The following TAP2 variants were observed in gnomAD, a reference collection of about 807,000 sequenced individuals.
TAP2 encodes the protein transporter 2, ATP binding cassette subfamily B member.
In TAP2, 49 loss-of-function variants were observed where a neutral mutation model predicts 74.7. The ratio of observed to expected loss-of-function variants is 0.66; its 90% CI spans 0.52 to 0.83. TAP2 has a LOEUF of 0.83. Ranked by LOEUF, TAP2 falls within the 40% of genes least tolerant of loss-of-function variation. The pLI, the probability that TAP2 is intolerant of heterozygous loss-of-function variation, is 0.00. For synonymous variants in TAP2, 306 were observed against 368.4 expected (o/e 0.83, Z 1.94); for missense variants, 739 against 859.0 (o/e 0.86, Z 1.75).
At position 32,837,596 on chromosome 6, in the gene TAP2, A is replaced by G. The variant is rs1346418088; in HGVS notation, c.549T>C (p.Asp183=). 2 of 1,614,126 alleles carry G rather than the reference A, an allele frequency of 1.2e-6. No homozygotes were observed. The highest frequency in any genetic ancestry group is 1.7e-6 in the Non-Finnish European group (2 of 1,180,016). The change falls in exon 3 of 12, where the codon GAT becomes GAC. Residue 183 remains aspartate, a synonymous_variant. Coordinates refer to ENST00000374897, the MANE Select transcript of TAP2 (RefSeq NM_001290043.2). ...SGRVIDILGG[D]FDPHAFASAI... is the part of the protein sequence containing the mutation. ...CACTGGCAAAGGCATGGGGGTCAAA[A>G]TCACCTCCCAGGATGTCAATCACAC...
At position 32,838,211 on chromosome 6, in the gene TAP2, G is replaced by A. The variant is rs1769568632; in HGVS notation, c.23C>T (p.Pro8Leu). 2 of 1,583,416 alleles carry A rather than the reference G, an allele frequency of 1.3e-6. No individual in the cohort carries two copies. The highest frequency in any genetic ancestry group is 1.7e-6 in the Non-Finnish European group (2 of 1,166,274). Residue 8 changes from proline (P) to leucine (L), a missense_variant, in exon 2 of 12, where the codon CCC becomes CTC. Physicochemically the swap from Pro to Leu is moderately conservative, Grantham distance 98 (BLOSUM62 -3). Transcript: ENST00000374897. MRLPDLR[P>L]WTSLLLVDAA... The stretch of plus-strand genomic sequence containing the variant: ...GTCCACCAGCAGCAGGGAGGTCCAG[G>A]GTCTCAGGTCAGGGAGCCGCATGGC...
At position 32,832,930 on chromosome 6, in the gene TAP2, A is replaced by G; in HGVS notation, c.946-106T>C. On this transcript the variant is annotated intron_variant, in intron 5 of 11. Transcript: ENST00000374897. The surrounding 1 kb of genome is among the most constrained non-coding windows in gnomAD (Gnocchi z 5.9). Reference sequence around the variant, plus strand: ...CTCCCTAGTCTACCTAAAAATACCAAACTGTTTCTCTCCCTCTTCCTTACT... The same window carrying G: ...CTCCCTAGTCTACCTAAAAATACCAGACTGTTTCTCTCCCTCTTCCTTACT... The G allele has an allele frequency of 8.1e-7, 1 of 1,240,924 alleles. No individual in the cohort carries two copies. The highest frequency in any genetic ancestry group is 1.9e-5 in the Admixed American group (1 of 53,286). 76.9% of individuals were successfully genotyped at this position (1,240,924 alleles called of 1,614,324 possible).
Position 32,826,660 on chromosome 6 carries a change from T to A in TAP2, c.*2246A>T. ...AGGACATCTTAAGGTCTACTGCATC[T>A]TCCTGTACTGCCCATCAAGATAAGT... On this transcript the variant is annotated 3_prime_UTR_variant, in exon 12 of 12. Transcript: ENST00000374897. 5 of 985,480 alleles carry A rather than the reference T, an allele frequency of 5.1e-6. No individual in the cohort carries two copies. The highest frequency in any genetic ancestry group is 6.0e-6 in the Non-Finnish European group (5 of 829,934). The allele number at this position is 985,480 out of a possible 1,614,324, so 61.0% of individuals were successfully genotyped here.
Position 32,830,460 on chromosome 6 carries a change from G to A in TAP2, c.1462-20C>T, listed in dbSNP as rs1250158708. The A allele has an allele frequency of 6.2e-7, 1 of 1,606,814 alleles. No individual in the cohort carries two copies. The highest frequency in any genetic ancestry group is 8.5e-7 in the Non-Finnish European group (1 of 1,177,066). On this transcript the variant is annotated intron_variant, in intron 8 of 11. Coordinates refer to ENST00000374897, the MANE Select transcript of TAP2 (RefSeq NM_001290043.2). ...CAGCCCCTAGAAAACCAGAAAAAGA[G>A]TTAAGGGCCTGCCCCTTCTCCCTCA...
chr6:32,837,350 T>C (rs552698014), intron 3 of TAP2, among the ~76,000 whole-genome samples, 187 bp downstream of exon 3: 8 of 152,312 alleles, frequency 5.3e-5, no homozygotes, highest in South Asian at 2.1e-4. Flanking sequence ...TTTGAAGATA[T>C]TGGATGAATA....
Position 32,826,164 on chromosome 6 carries a change from T to C in TAP2, c.*2742A>G. 1 of 985,448 alleles carries C rather than the reference T, an allele frequency of 1.0e-6. No individual in the cohort carries two copies. The highest frequency in any genetic ancestry group is 4.7e-5 in the South Asian group (1 of 21,290). The allele number at this position is 985,448 out of a possible 1,614,324, so 61.0% of individuals were successfully genotyped here. A position where few individuals can be genotyped will look rare whatever the true frequency, so the allele number is the denominator to read the frequency against. On this transcript the variant is annotated 3_prime_UTR_variant, in exon 12 of 12. Coordinates refer to ENST00000374897, the MANE Select transcript of TAP2 (RefSeq NM_001290043.2). Reference sequence around the variant, plus strand: ...TCCTTTCCCCACAAAATTCTGACAATTACGCATTTCCTGCTTGTTTCACAA... The same window carrying C: ...TCCTTTCCCCACAAAATTCTGACAACTACGCATTTCCTGCTTGTTTCACAA...
chr6:32,824,542 A>G (rs1212882320), downstream of TAP2, among the ~76,000 whole-genome samples: 1 of 152,086 alleles, frequency 6.6e-6, no homozygotes, highest in Non-Finnish European at 1.5e-5. Context: ...TGCTATTTAC[A>G]TTCGTTTCTG....
rs1032035485 is a variant in TAP2 at position 32,827,195 on chromosome 6, A to C, written c.*1711T>G. ...CTACCTGCTGTTTCCAGGAATATGA[A>C]GGTTTCTCTTTCCTAGAATAGCAAC... On this transcript the variant is annotated 3_prime_UTR_variant, in exon 12 of 12. Transcript: ENST00000374897. 5.1e-6 allele frequency: 5 copies of C among 985,388 alleles called. No individual in the cohort carries two copies. The African/African-American group carries it at 8.7e-5, about 17-fold the overall frequency. 61.0% of individuals were successfully genotyped at this position (985,388 alleles called of 1,614,324 possible). A position where few individuals can be genotyped will look rare whatever the true frequency, so the allele number is the denominator to read the frequency against.
Position 32,835,211 on chromosome 6 carries a change from A to G in TAP2, c.888T>C (p.Ser296=), listed in dbSNP as rs1769335106. 2 of 1,612,952 alleles carry G rather than the reference A, an allele frequency of 1.2e-6. No homozygotes were observed. Among genetic ancestry groups the G allele is most frequent in the Non-Finnish European group, 1.7e-6 (2 of 1,180,030 alleles). ...LSISPRLTLL[S]LLHMPFTIAA... is the part of the protein sequence containing the mutation. ...CTATTGTGAAGGGCATGTGCAGCAG[A>G]GAAAGGAGGGTGAGTCGAGGCGATA... is the stretch of plus-strand genomic sequence containing the variant. The change falls in exon 5 of 12, where the codon TCT becomes TCC. Residue 296 remains serine, a synonymous_variant. Transcript: ENST00000374897. The surrounding 1 kb of genome is among the most constrained non-coding windows in gnomAD (Gnocchi z 4.0).
At position 32,825,828 on chromosome 6, in the gene TAP2, C is replaced by A. The variant is rs767981082; in HGVS notation, c.*3078G>T. The A allele has an allele frequency of 1.5e-5, 5 of 331,544 alleles. No individual in the cohort carries two copies. Among genetic ancestry groups the A allele is most frequent in the Non-Finnish European group, 2.2e-5 (5 of 232,516 alleles). The allele number at this position is 331,544 out of a possible 1,614,324, so 20.5% of individuals were successfully genotyped here. A position where few individuals can be genotyped will look rare whatever the true frequency, so the allele number is the denominator to read the frequency against. ...CTCTTCCTTAGCTATGTGACCCAGGCAAGTTAGTAAATGTTTCTAAAACTC... is the reference window on the plus strand; with the variant it reads ...CTCTTCCTTAGCTATGTGACCCAGGAAAGTTAGTAAATGTTTCTAAAACTC... On this transcript the variant is annotated 3_prime_UTR_variant, in exon 12 of 12. Transcript: ENST00000374897.
chr6:32,825,147 TGGAG>T (rs1768560599), downstream of TAP2, among the ~76,000 whole-genome samples: 1 of 150,724 alleles, frequency 6.6e-6, no homozygotes, highest in South Asian at 2.1e-4. Context: ...TATATATATA[TGGAG>T]AAACAGATAA....
intron 8 of TAP2, 46 bp downstream of exon 8, chr6:32,830,572 T>C (rs763014545): frequency 3.1e-6 from 5 of 1,611,402 alleles, no homozygotes; most frequent in Non-Finnish European, 4.2e-6. Flanking sequence ...AATTATGCAT[T>C]AGCAGCAGAG....
rs1768817730 is a variant in TAP2, at chr6:32,828,683, C to CACACCCCACCCCACCCCACCTCT, written c.*222_*223insAGAGGTGGGGTGGGGTGGGGTGT. ...TTTCCTGGACACAGACAGCCCCCAC[C>CACACCCCACCCCACCCCACCTCT]CCACCCCACCCCACCTCTCTACCCC... On this transcript the variant is annotated 3_prime_UTR_variant, in exon 12 of 12. Coordinates refer to ENST00000374897, the MANE Select transcript of TAP2 (RefSeq NM_001290043.2). 1.0e-6 allele frequency: 1 copy of CACACCCCACCCCACCCCACCTCT among 991,782 alleles called. No homozygotes were observed. Among genetic ancestry groups the CACACCCCACCCCACCCCACCTCT allele is most frequent in the Non-Finnish European group, 1.2e-6 (1 of 823,828 alleles). 61.4% of individuals were successfully genotyped at this position (991,782 alleles called of 1,614,324 possible).
In TAP2 at chr6:32,832,717, T is replaced by C. The variant is rs1769170484; in HGVS notation, c.1053A>G (p.Glu351=). Reference sequence around the variant, plus strand: ...CAAGGGCCTCTTTATAGCGACAGACTTCATGCTCCTCGGCCCCAAAACTGC... The same window carrying C: ...CAAGGGCCTCTTTATAGCGACAGACCTCATGCTCCTCGGCCCCAAAACTGC... The part of the protein sequence containing the change: ...TVRSFGAEEH[E]VCRYKEALEQ... Residue 351 remains glutamate, a synonymous_variant, in exon 6 of 12, where the codon GAA becomes GAG. Coordinates refer to ENST00000374897, the MANE Select transcript of TAP2 (RefSeq NM_001290043.2). This position sits in a 1 kb window ranked among gnomAD's most constrained non-coding sequence, Gnocchi z 5.9. 6.2e-7 allele frequency: 1 copy of C among 1,613,102 alleles called. No homozygotes were observed. Among genetic ancestry groups the C allele is most frequent in the Non-Finnish European group, 8.5e-7 (1 of 1,180,040 alleles).
intron 10 of TAP2, 138 bp downstream of exon 10, chr6:32,829,792 G>T: frequency 1.6e-6 from 2 of 1,252,524 alleles, no homozygotes; most frequent in Non-Finnish European, 2.3e-6. Flanking sequence ...CAGTGTGTGG[G>T]GAAGGAGACG....
In TAP2 at chr6:32,830,450, CA is replaced by C; in HGVS notation, c.1462-11del. 1 of 1,610,734 alleles carries C rather than the reference CA, an allele frequency of 6.2e-7. No homozygotes were observed. Among genetic ancestry groups the C allele is most frequent in the Non-Finnish European group, 8.5e-7 (1 of 1,178,952 alleles). On this transcript the variant is annotated splice_polypyrimidine_tract_variant and intron_variant, in intron 8 of 11. Coordinates refer to ENST00000374897, the MANE Select transcript of TAP2 (RefSeq NM_001290043.2). ...GGGTAAACGTCAGCCCCTAGAAAAC[CA>C]GAAAAAGAGTTAAGGGCCTGCCCCT...
chr6:32,826,453 G>C lies in TAP2; in HGVS notation c.*2453C>G. 1.0e-6 allele frequency: 1 copy of C among 985,376 alleles called. No homozygotes were observed. Among genetic ancestry groups the C allele is most frequent in the African/African-American group, 1.7e-5 (1 of 57,308 alleles). The allele number at this position is 985,376 out of a possible 1,614,324, so 61.0% of individuals were successfully genotyped here. A position where few individuals can be genotyped will look rare whatever the true frequency, so the allele number is the denominator to read the frequency against. ...GGAGATCAATCAAATGGTGATGGGGGGTAGGAGTGAACAAAAAGAACTCTG... is the reference window on the plus strand; with the variant it reads ...GGAGATCAATCAAATGGTGATGGGGCGTAGGAGTGAACAAAAAGAACTCTG... On this transcript the variant is annotated 3_prime_UTR_variant, in exon 12 of 12. Transcript: ENST00000374897.
At position 32,828,264 on chromosome 6, in the gene TAP2, A is replaced by G. The variant is rs778578169; in HGVS notation, c.*642T>C. On this transcript the variant is annotated 3_prime_UTR_variant, in exon 12 of 12. Coordinates refer to ENST00000374897, the MANE Select transcript of TAP2 (RefSeq NM_001290043.2). ...CTCCCATTAAAACTCTATAAATGGT[A>G]GCTGTTACCAATGTCGCTATTAATA... The G allele has an allele frequency of 3.0e-6, 3 of 984,702 alleles. No homozygotes were observed. The highest frequency in any genetic ancestry group is 3.6e-6 in the Non-Finnish European group (3 of 829,250). The allele number at this position is 984,702 out of a possible 1,614,324, so 61.0% of individuals were successfully genotyped here. A position where few individuals can be genotyped will look rare whatever the true frequency, so the allele number is the denominator to read the frequency against.
At chr6:32,836,588 C>A (rs1198081109) in intron 3 of TAP2, among the ~76,000 whole-genome samples, 1 of 152,162 alleles carries the variant, frequency 6.6e-6, no homozygotes, top group Non-Finnish European at 1.5e-5. Context: ...CACACCTAGG[C>A]CATGTAGTTT....
Sources: allele counts gnomAD v4.1 joint callset (sites outside exome capture counted in the v4.1 genomes callset), GRCh38; gene constraint gnomAD v4.1.1; non-coding constraint Gnocchi (gnomAD v3.1); transcripts MANE v1.5; gene names NCBI Gene and HGNC (gene_info 2026-07-23, HGNC 2026-07-21).